TERF2: variants seen among roughly 807,000 people sequenced by gnomAD.
TERF2 encodes telomeric repeat binding factor 2, also known as telomeric repeat-binding factor 2.
In TERF2, 16 loss-of-function variants were observed where a neutral mutation model predicts 56.1. The observed-to-expected ratio is 0.29, with a 90% CI of 0.19 to 0.43. The LOEUF (loss-of-function observed/expected upper bound fraction) is 0.43. Among genes scored for constraint, TERF2 ranks in the 20% least tolerant of loss-of-function variants. TERF2 has a pLI of 1.00. For synonymous variants in TERF2, 296 were observed against 282.1 expected (o/e 1.05, Z -0.50); for missense variants, 547 against 712.9 (o/e 0.77, Z 2.65).
At chr16:69,371,596 C>T (rs968070975) in intron 4 of TERF2, among the ~76,000 whole-genome samples, 53 of 151,734 alleles carry the variant, frequency 3.5e-4, no homozygotes, top group African/African-American at 1.1e-3. Context: ...GGTAGGATCA[C>T]TTGAGCCCAG....
chr16:69,372,580 T>C (rs551709647), intron 3 of TERF2, among the ~76,000 whole-genome samples: 3 of 152,168 alleles, frequency 2.0e-5, no homozygotes, highest in African/African-American at 7.2e-5. Flanking sequence ...CTGACCAACA[T>C]GGAGAAACCC....
chr16:69,385,192 A>G (rs576950625), intron 2 of TERF2, among the ~76,000 whole-genome samples, 199 bp downstream of exon 2: 1 of 152,240 alleles, frequency 6.6e-6, no homozygotes, highest in East Asian at 1.9e-4. Context: ...TAAAAAAAAC[A>G]CAGAAAAGCA....
At chr16:69,363,040 AT>A (rs1489026729) in intron 7 of TERF2, among the ~76,000 whole-genome samples, 2 of 152,242 alleles carry the variant, frequency 1.3e-5, no homozygotes, top group African/African-American at 4.8e-5. Flanking sequence ...GCTGAGACAA[AT>A]GGTAGACCTA....
At chr16:69,371,656 A>G (rs1274849362) in intron 4 of TERF2, among the ~76,000 whole-genome samples, 3 of 152,028 alleles carry the variant, frequency 2.0e-5, no homozygotes, top group Non-Finnish European at 4.4e-5. Flanking sequence ...CTCTACAAAA[A>G]ATTTAAAAAT....
intron 1 of TERF2, 50 bp downstream of exon 1, chr16:69,385,542 CG>C: frequency 1.3e-6 from 2 of 1,590,518 alleles, no homozygotes; most frequent in Non-Finnish European, 1.7e-6. Context: ...CCCGGTCCCC[CG>C]GACCCCCTTC....
intron 8 of TERF2, among the ~76,000 whole-genome samples, chr16:69,360,219 T>G (rs1242783431): frequency 6.6e-6 from 1 of 151,808 alleles, no homozygotes; most frequent in Non-Finnish European, 1.5e-5. Context: ...AAAACCCGAC[T>G]ACTAAAAATA....
At chr16:69,360,482 T>G (rs141853653) in intron 8 of TERF2, among the ~76,000 whole-genome samples, 1 of 151,876 alleles carries the variant, frequency 6.6e-6, no homozygotes, top group South Asian at 2.1e-4. Flanking sequence ...GGCAGACAGA[T>G]TGCTTGAGCC....
At chr16:69,377,906 T>G (rs2013853388) in intron 3 of TERF2, among the ~76,000 whole-genome samples, 4 of 152,140 alleles carry the variant, frequency 2.6e-5, no homozygotes, top group Admixed American at 2.6e-4. Flanking sequence ...AAGAAGTAAT[T>G]TTATTATTTC....
chr16:69,385,840 C>T lies in TERF2; in HGVS notation c.132G>A (p.Ala44=), dbSNP rs2014182919. Residue 44 remains alanine, a synonymous_variant, in exon 1 of 10, where the codon GCG becomes GCA. Coordinates refer to ENST00000254942, the MANE Select transcript of TERF2 (RefSeq NM_005652.5). ...TGCCGTCGCTACTCCCGCCTCCTCCCGCCATCGTGTCCGATCGCCGCGCGC... is the reference window on the plus strand; with the variant it reads ...TGCCGTCGCTACTCCCGCCTCCTCCTGCCATCGTGTCCGATCGCCGCGCGC... The part of the protein sequence containing the change: ...GEGARRSDTM[A]GGGGSSDGSG... 3 of 1,357,672 alleles carry T rather than the reference C, an allele frequency of 2.2e-6. No individual in the cohort carries two copies. The African/African-American group carries it at 4.5e-5, about 21-fold the overall frequency. The allele number at this position is 1,357,672 out of a possible 1,614,324, so 84.1% of individuals were successfully genotyped here. A position where few individuals can be genotyped will look rare whatever the true frequency, so the allele number is the denominator to read the frequency against.
intron 3 of TERF2, among the ~76,000 whole-genome samples, chr16:69,381,891 A>T (rs1253732048): frequency 1.3e-5 from 2 of 151,436 alleles, no homozygotes; most frequent in East Asian, 1.9e-4. Context: ...TCTTTTTTAA[A>T]TTTTTTTTTA....
chr16:69,361,533 C>G (rs372940649), intron 7 of TERF2, 44 bp from the exon 8 acceptor site: 1,267 of 1,331,238 alleles, frequency 9.5e-4, no homozygotes, highest in Non-Finnish European at 1.3e-3. Context: ...ACAAATTCAC[C>G]CTGGATTGTC....
At chr16:69,385,171 G>A (rs1397560822) in intron 2 of TERF2, among the ~76,000 whole-genome samples, 1 of 151,916 alleles carries the variant, frequency 6.6e-6, no homozygotes, top group African/African-American at 2.4e-5. Context: ...ATTAACAGGT[G>A]GGAGAAGATT....
Position 69,385,983 on chromosome 16 carries a change from C to A in TERF2, c.-12G>T, listed in dbSNP as rs1597266479. 1.5e-6 allele frequency: 2 copies of A among 1,316,114 alleles called. No individual in the cohort carries two copies. The highest frequency in any genetic ancestry group is 3.1e-5 in the East Asian group (1 of 31,826). 81.5% of individuals were successfully genotyped at this position (1,316,114 alleles called of 1,614,324 possible). A position where few individuals can be genotyped will look rare whatever the true frequency, so the allele number is the denominator to read the frequency against. ...GCTCCCGCGGCCATGATAGAAACAG[C>A]GTTCCGAGCCGCCCGCGGGCTTCTG... On this transcript the variant is annotated 5_prime_UTR_variant, in exon 1 of 10. Transcript: ENST00000254942.
chr16:69,384,628 T>C lies in TERF2; in HGVS notation c.558A>G (p.Thr186=), dbSNP rs776741043. 1 of 1,614,158 alleles carries C rather than the reference T, an allele frequency of 6.2e-7. No individual in the cohort carries two copies. Among genetic ancestry groups the C allele is most frequent in the Non-Finnish European group, 8.5e-7 (1 of 1,180,008 alleles). Residue 186 remains threonine (T), a synonymous_variant, in exon 3 of 10, where the codon ACA becomes ACG. Coordinates refer to ENST00000254942, the MANE Select transcript of TERF2 (RefSeq NM_005652.5). ...NVLEMIKTEF[T]LTEAVVESSR... is the part of the protein sequence containing the mutation. Reference sequence around the variant, plus strand: ...TGGATTCGACCACTGCTTCTGTCAGTGTAAATTCCGTTTTAATCATCTCCA... The same window carrying C: ...TGGATTCGACCACTGCTTCTGTCAGCGTAAATTCCGTTTTAATCATCTCCA...
chr16:69,378,991 C>G (rs2013897149), intron 3 of TERF2, among the ~76,000 whole-genome samples: 1 of 151,054 alleles, frequency 6.6e-6, no homozygotes, highest in African/African-American at 2.5e-5. Flanking sequence ...TGCTTTTTCA[C>G]TTGGCAGTTC....
At chr16:69,361,058 C>T (rs1395362676) in intron 8 of TERF2, among the ~76,000 whole-genome samples, 2 of 151,774 alleles carry the variant, frequency 1.3e-5, no homozygotes, top group East Asian at 3.9e-4. Flanking sequence ...CAAAGTGAGA[C>T]CCCATCTCTA....
intron 4 of TERF2, 37 bp downstream of exon 4, chr16:69,372,232 A>C (rs1188991475): frequency 5.5e-6 from 8 of 1,448,628 alleles, no homozygotes; most frequent in African/African-American, 1.4e-5. Context: ...CAATGAGATG[A>C]ATTTAAGTCA....
In TERF2 at chr16:69,384,612, C is replaced by T. The variant is rs1487960504; in HGVS notation, c.574G>A (p.Val192Ile). 3.1e-6 allele frequency: 5 copies of T among 1,614,072 alleles called. No individual in the cohort carries two copies. Among genetic ancestry groups the T allele is most frequent in the Admixed American group, 3.3e-5 (2 of 59,994 alleles). Residue 192 changes from valine (V) to isoleucine (I), a missense_variant, in exon 3 of 10, where the codon GTC (valine) becomes ATC (isoleucine). Physicochemically the swap from Val to Ile is conservative, Grantham distance 29. Around this residue, in one of 6 missense-constraint regions of TERF2, gnomAD observed 97 missense variants for 157.0 expected, o/e 0.62. Transcript: ENST00000254942. ...TTGACCAGTTTTCTACTGGATTCGA[C>T]CACTGCTTCTGTCAGTGTAAATTCC... ...KTEFTLTEAV[V>I]ESSRKLVKEA...
chr16:69,356,211 T>G lies in TERF2; in HGVS notation c.*687A>C, dbSNP rs1323088958. On this transcript the variant is annotated 3_prime_UTR_variant, in exon 10 of 10. Coordinates refer to ENST00000254942, the MANE Select transcript of TERF2 (RefSeq NM_005652.5). ...AATTTACTCCAAATAATACTCACATTGCTGGTTTTAACAGGTCATGGAGTC... is the reference window on the plus strand; with the variant it reads ...AATTTACTCCAAATAATACTCACATGGCTGGTTTTAACAGGTCATGGAGTC... 5 of 455,650 alleles carry G rather than the reference T, an allele frequency of 1.1e-5. No individual in the cohort carries two copies. Among genetic ancestry groups the G allele is most frequent in the African/African-American group, 1.0e-4 (5 of 50,068 alleles). 28.2% of individuals were successfully genotyped at this position (455,650 alleles called of 1,614,324 possible).
Sources: gnomAD v4.1 joint callset for allele counts (sites outside exome capture counted in the v4.1 genomes callset) on GRCh38, gnomAD v4.1.1 for gene constraint, gnomAD v4.1.1 regional missense constraint, MANE v1.5 for transcripts, NCBI Gene and HGNC (gene_info 2026-07-23, HGNC 2026-07-21) for gene names.